Variants in GRB2 observed in about 807,000 individuals in gnomAD.
The protein encoded by GRB2 is growth factor receptor bound protein 2, also known as growth factor receptor-bound protein 2.
Under a neutral mutation model 27.4 loss-of-function variants are expected in GRB2, and 2 were observed. The ratio of observed to expected loss-of-function variants is 0.07; its 90% CI spans 0.03 to 0.23. GRB2 has a LOEUF of 0.23. Among genes scored for constraint, GRB2 ranks in the 10% least tolerant of loss-of-function variants. The pLI, the probability that GRB2 is intolerant of heterozygous loss-of-function variation, is 1.00. For synonymous variants in GRB2, 94 were observed against 99.6 expected (o/e 0.94, Z 0.33); for missense variants, 102 against 282.4 (o/e 0.36, Z 4.58).
intron 1 of GRB2, among the ~76,000 whole-genome samples, chr17:75,402,503 A>T (rs2079070093): frequency 6.6e-6 from 1 of 152,224 alleles, no homozygotes. Context: ...TTTTAAGTTG[A>T]ATTACTTAAA....
intron 2 of GRB2, among the ~76,000 whole-genome samples, chr17:75,384,998 C>A (rs1269358583): frequency 8.4e-6 from 1 of 119,582 alleles, no homozygotes; most frequent in African/African-American, 3.4e-5. Context: ...TCGAGACCAG[C>A]GTGGGCAACA....
At chr17:75,348,433 T>C (rs2078668058) in intron 2 of GRB2, among the ~76,000 whole-genome samples, 1 of 152,228 alleles carries the variant, frequency 6.6e-6, no homozygotes, top group African/African-American at 2.4e-5. Context: ...ACTGGCATAA[T>C]GACTTGCAGT....
chr17:75,327,772 C>T (rs1346951986), intron 3 of GRB2, among the ~76,000 whole-genome samples: 1 of 152,140 alleles, frequency 6.6e-6, no homozygotes, highest in Non-Finnish European at 1.5e-5. Flanking sequence ...AGGAAGGATA[C>T]ACTTAGAAGC....
chr17:75,397,609 C>T (rs1430466628), intron 1 of GRB2, among the ~76,000 whole-genome samples: 2 of 152,210 alleles, frequency 1.3e-5, no homozygotes, highest in African/African-American at 4.8e-5. Flanking sequence ...TCCAGTATAG[C>T]TTAGTGTTGA....
intron 2 of GRB2, among the ~76,000 whole-genome samples, chr17:75,350,570 C>T (rs2078684603): frequency 6.6e-6 from 1 of 152,214 alleles, no homozygotes; most frequent in African/African-American, 2.4e-5. Flanking sequence ...CGGCTCACTG[C>T]AAGCTCCGCC....
chr17:75,326,054 T>C (rs772968787), intron 3 of GRB2, 34 bp from the exon 4 acceptor site: 8 of 1,613,062 alleles, frequency 5.0e-6, no homozygotes, highest in East Asian at 4.5e-5. Flanking sequence ...CAACATCTGC[T>C]TCCCCACAAA....
chr17:75,398,321 G>A (rs1192014100), intron 1 of GRB2, among the ~76,000 whole-genome samples: 1 of 151,354 alleles, frequency 6.6e-6, no homozygotes, highest in East Asian at 2.0e-4. Context: ...AAGGCTGGAG[G>A]GCAGTGGCGT....
At chr17:75,326,721 T>C (rs1022670001) in intron 3 of GRB2, among the ~76,000 whole-genome samples, 2 of 152,216 alleles carry the variant, frequency 1.3e-5, no homozygotes, top group Non-Finnish European at 2.9e-5. Flanking sequence ...CTGCTCCCAA[T>C]TGCTGATTCA....
intron 2 of GRB2, among the ~76,000 whole-genome samples, chr17:75,361,224 TAAAAAG>T (rs1216634963): frequency 1.3e-5 from 2 of 152,218 alleles, no homozygotes; most frequent in Non-Finnish European, 2.9e-5. Context: ...AAACAGCTAA[TAAAAAG>T]AAAAAGTGCA....
At position 75,352,874 on chromosome 17, in the gene GRB2, GTT is replaced by G. The variant is rs374164944; in HGVS notation, c.79-20079_79-20078del. ...GTTCTCTGGGAGAAAAAGTTAACTT[GTT>G]TTTTTTTTTTTTTTAAAAGACATAG... On this transcript the variant is annotated intron_variant, in intron 2 of 5. Transcript: ENST00000316804. 9.4e-3 allele frequency among the ~76,000 whole-genome samples: 1,391 copies of G among 147,498 alleles called. 27 individuals are homozygous for G. The highest frequency in any genetic ancestry group is 0.047 in the South Asian group (223 of 4,730).
At chr17:75,329,145 GCCCCACACTC>G (rs2078522123) in intron 3 of GRB2, among the ~76,000 whole-genome samples, 1 of 151,780 alleles carries the variant, frequency 6.6e-6, no homozygotes, top group Admixed American at 6.6e-5. Flanking sequence ...TCCCCACACT[GCCCCACACTC>G]CCCACCACTG....
chr17:75,370,055 G>A (rs1193197214), intron 2 of GRB2, among the ~76,000 whole-genome samples: 1 of 152,184 alleles, frequency 6.6e-6, no homozygotes. Context: ...ATGCTTAAAA[G>A]TGATGCTCAG....
intron 2 of GRB2, among the ~76,000 whole-genome samples, chr17:75,374,132 G>A (rs955411731): frequency 6.6e-6 from 1 of 151,752 alleles, no homozygotes; most frequent in Non-Finnish European, 1.5e-5. Flanking sequence ...AAGGCCAGGC[G>A]CAGAGGCTCA....
chr17:75,401,453 A>T (rs1374683970), intron 1 of GRB2, among the ~76,000 whole-genome samples: 1 of 40,810 alleles, frequency 2.5e-5, no homozygotes, highest in Admixed American at 4.8e-4. Flanking sequence ...CTCCGTCTCA[A>T]AAAAAAAAAA....
At chr17:75,366,512 A>AAC (rs1350082249) in intron 2 of GRB2, among the ~76,000 whole-genome samples, 5 of 151,292 alleles carry the variant, frequency 3.3e-5, no homozygotes, top group Non-Finnish European at 7.4e-5. Context: ...AAAAAAAAAA[A>AAC]AAAACGGCCA....
intron 2 of GRB2, among the ~76,000 whole-genome samples, chr17:75,352,099 G>T (rs2145840767): frequency 6.6e-6 from 1 of 152,296 alleles, no homozygotes; most frequent in Admixed American, 6.5e-5. Context: ...TCCTTTTGCT[G>T]CTAGACCAGA....
chr17:75,343,049 C>CAA (rs56264803), intron 2 of GRB2, among the ~76,000 whole-genome samples: 5 of 58,596 alleles, frequency 8.5e-5, no homozygotes, highest in African/African-American at 1.4e-4. Flanking sequence ...AACCTTGTCT[C>CAA]AAAAAAAAAA....
At chr17:75,383,251 C>T (rs1265215513) in intron 2 of GRB2, among the ~76,000 whole-genome samples, 1 of 152,068 alleles carries the variant, frequency 6.6e-6, no homozygotes, top group African/African-American at 2.4e-5. Flanking sequence ...ACAAAAGAGG[C>T]CCCCAGTAGG....
At chr17:75,365,372 C>T (rs2078812461) in intron 2 of GRB2, among the ~76,000 whole-genome samples, 1 of 152,168 alleles carries the variant, frequency 6.6e-6, no homozygotes, top group African/African-American at 2.4e-5. Context: ...AACTTTATAT[C>T]CAAGAAATTC....
Sources: allele counts gnomAD v4.1 joint callset (sites outside exome capture counted in the v4.1 genomes callset), GRCh38; gene constraint gnomAD v4.1.1; transcripts MANE v1.5; gene names NCBI Gene and HGNC (gene_info 2026-07-23, HGNC 2026-07-21).